The following CHST6 variants were observed in gnomAD, a reference collection of about 807,000 sequenced individuals.
CHST6 encodes the protein carbohydrate sulfotransferase 6.
For missense variants in CHST6, 698 were observed against 586.2 expected, an observed-to-expected ratio of 1.19 and a Z score of -1.97; for synonymous variants, 309 against 276.4, an observed-to-expected ratio of 1.12 and a Z score of -1.17.
rs996114752 is a variant in CHST6, at chr16:75,478,414, T to C, written c.*227A>G. Reference sequence around the variant, plus strand: ...CCAGAGGAGGAGGGGCAAGAGTTGCTTTCCATGAAGAGTGCACCTGATGAG... The same window carrying C: ...CCAGAGGAGGAGGGGCAAGAGTTGCCTTCCATGAAGAGTGCACCTGATGAG... On this transcript the variant is annotated 3_prime_UTR_variant, in exon 3 of 3. Coordinates refer to ENST00000332272, the MANE Select transcript of CHST6 (RefSeq NM_021615.5). The C allele has an allele frequency of 8.6e-6, 5 of 582,528 alleles. No homozygotes were observed. In the African/African-American group the frequency reaches 9.3e-5, roughly 11 times the overall value. 36.1% of individuals were successfully genotyped at this position (582,528 alleles called of 1,614,324 possible).
In CHST6 at chr16:75,474,816, GAC is replaced by G; in HGVS notation, c.*3823_*3824del. 2.5e-6 allele frequency: 1 copy of G among 396,854 alleles called. No homozygotes were observed. Among genetic ancestry groups the G allele is most frequent in the African/African-American group, 2.1e-5 (1 of 48,650 alleles). The allele number at this position is 396,854 out of a possible 1,614,324, so 24.6% of individuals were successfully genotyped here. ...CTGAAATAATGGTGGTTTTTTTTAA[GAC>G]AGACTCTCGCTTTGTTGCCCAGGCT... is the stretch of plus-strand genomic sequence containing the variant. On this transcript the variant is annotated 3_prime_UTR_variant, in exon 3 of 3. Coordinates refer to ENST00000332272, the MANE Select transcript of CHST6 (RefSeq NM_021615.5).
At position 75,474,748 on chromosome 16, in the gene CHST6, C is replaced by G. The variant is rs2080049454; in HGVS notation, c.*3893G>C. On this transcript the variant is annotated 3_prime_UTR_variant, in exon 3 of 3. Transcript: ENST00000332272. ...GCGAGAGAAAGACAAAGAATGAACT[C>G]CTTCATTTAAAAGGCACCACTCTCA... 2.5e-6 allele frequency: 1 copy of G among 398,312 alleles called. No homozygotes were observed. The highest frequency in any genetic ancestry group is 4.4e-6 in the Non-Finnish European group (1 of 226,022). The allele number at this position is 398,312 out of a possible 1,614,324, so 24.7% of individuals were successfully genotyped here. A position where few individuals can be genotyped will look rare whatever the true frequency, so the allele number is the denominator to read the frequency against.
chr16:75,488,466 T>C (rs1328528860), intron 1 of CHST6, among the ~76,000 whole-genome samples: 3 of 132,644 alleles, frequency 2.3e-5, no homozygotes, highest in Non-Finnish European at 4.7e-5. Flanking sequence ...CAAAGCCCCG[T>C]CACAAGGAGA....
chr16:75,494,392 C>G (rs2080288074), intron 1 of CHST6, among the ~76,000 whole-genome samples: 1 of 152,154 alleles, frequency 6.6e-6, no homozygotes. Flanking sequence ...TCAGCCAACT[C>G]CTTTCTGCTC....
In CHST6 at chr16:75,477,610, T is replaced by C. The variant is rs886052312; in HGVS notation, c.*1031A>G. 3 of 152,234 alleles carry C rather than the reference T, an allele frequency of 2.0e-5. No individual in the cohort carries two copies. The highest frequency in any genetic ancestry group is 4.4e-5 in the Non-Finnish European group (3 of 68,056). 9.4% of individuals were successfully genotyped at this position (152,234 alleles called of 1,614,324 possible). On this transcript the variant is annotated 3_prime_UTR_variant, in exon 3 of 3. Coordinates refer to ENST00000332272, the MANE Select transcript of CHST6 (RefSeq NM_021615.5). Reference sequence around the variant, plus strand: ...TGTACTGGGCACTTATAGGCTCTCATTTCCTGAGCTCGGGACTAAACCCTC... The same window carrying C: ...TGTACTGGGCACTTATAGGCTCTCACTTCCTGAGCTCGGGACTAAACCCTC...
intron 1 of CHST6, among the ~76,000 whole-genome samples, chr16:75,483,360 A>C (rs924282228): frequency 3.3e-5 from 5 of 152,204 alleles, no homozygotes; most frequent in African/African-American, 1.2e-4. Flanking sequence ...CCTGTGTTCC[A>C]GGGAAGCCAG....
chr16:75,492,065 G>A (rs1355731306), intron 1 of CHST6, among the ~76,000 whole-genome samples: 1 of 152,230 alleles, frequency 6.6e-6, no homozygotes, highest in African/African-American at 2.4e-5. Context: ...AGGGGGCTGG[G>A]ACTGCAAGGC....
chr16:75,479,619 C>T lies in CHST6; in HGVS notation c.210G>A (p.Met70Ile). Reference protein sequence around the residue: ...FNQHPDVFYLMEPAWHVWTTL... With the variant: ...FNQHPDVFYLIEPAWHVWTTL... The stretch of plus-strand genomic sequence containing the variant: ...TGGTCCACACGTGCCACGCGGGCTC[C>T]ATTAGGTAGAAGACGTCGGGGTGCT... Residue 70 changes from methionine to isoleucine, a missense_variant, in exon 3 of 3, where the codon ATG becomes ATA. Coordinates refer to ENST00000332272, the MANE Select transcript of CHST6 (RefSeq NM_021615.5). The T allele has an allele frequency of 6.2e-7, 1 of 1,612,862 alleles. No individual in the cohort carries two copies. The highest frequency in any genetic ancestry group is 1.1e-5 in the South Asian group (1 of 91,042).
At position 75,479,172 on chromosome 16, in the gene CHST6, C is replaced by T. The variant is rs1420289951; in HGVS notation, c.657G>A (p.Ala219=). The T allele has an allele frequency of 6.2e-7, 1 of 1,608,110 alleles. No individual in the cohort carries two copies. The highest frequency in any genetic ancestry group is 8.5e-7 in the Non-Finnish European group (1 of 1,179,036). Residue 219 remains alanine (A), a synonymous_variant, in exon 3 of 3, where the codon GCG becomes GCA. Coordinates refer to ENST00000332272, the MANE Select transcript of CHST6 (RefSeq NM_021615.5). ...RSREQTAKAL[A]RDNGIVLGTN... is the part of the protein sequence containing the mutation. Reference sequence around the variant, plus strand: ...TGCCCAGCACGATGCCGTTGTCACGCGCCAGAGCCTTGGCTGTCTGCTCCC... The same window carrying T: ...TGCCCAGCACGATGCCGTTGTCACGTGCCAGAGCCTTGGCTGTCTGCTCCC...
chr16:75,480,904 T>C (rs529588945), intron 2 of CHST6, among the ~76,000 whole-genome samples: 1 of 124,140 alleles, frequency 8.1e-6, no homozygotes, highest in Admixed American at 9.4e-5. Context: ...CACTCCAGCC[T>C]GGGCAAGAGC....
intron 1 of CHST6, among the ~76,000 whole-genome samples, chr16:75,491,181 A>T (rs2080249582): frequency 4.7e-5 from 4 of 85,902 alleles, no homozygotes; most frequent in Non-Finnish European, 8.8e-5. Flanking sequence ...AAAAAAAAAA[A>T]AAAAAAAAAA....
chr16:75,485,837 G>T (rs1052389174), intron 1 of CHST6, among the ~76,000 whole-genome samples: 1 of 148,648 alleles, frequency 6.7e-6, no homozygotes. Flanking sequence ...TGTCCCAGTG[G>T]ATGGCCTGGA....
At chr16:75,484,502 G>C (rs1179199557) in intron 1 of CHST6, among the ~76,000 whole-genome samples, 2 of 152,072 alleles carry the variant, frequency 1.3e-5, no homozygotes, top group Non-Finnish European at 2.9e-5. Flanking sequence ...CCTTGATGAG[G>C]GGCACATATT....
rs186986353 is a variant in CHST6, at chr16:75,474,270, C to T, written c.*4371G>A. ...CTGTTTTGTTTTGCTATAACAATAC[C>T]ACAGATGGGGTCATTTATTTAGAGA... On this transcript the variant is annotated 3_prime_UTR_variant, in exon 3 of 3. Coordinates refer to ENST00000332272, the MANE Select transcript of CHST6 (RefSeq NM_021615.5). 6.0e-5 allele frequency: 16 copies of T among 265,078 alleles called. No individual in the cohort carries two copies. The highest frequency in any genetic ancestry group is 9.9e-5 in the Non-Finnish European group (14 of 141,964). The allele number at this position is 265,078 out of a possible 1,614,324, so 16.4% of individuals were successfully genotyped here.
chr16:75,491,211 ATATATAT>A (rs1567416167), intron 1 of CHST6, among the ~76,000 whole-genome samples: 31 of 133,014 alleles, frequency 2.3e-4, no homozygotes, highest in African/African-American at 8.7e-4. Flanking sequence ...ATATATATAT[ATATATAT>A]AAAATATAAT....
At chr16:75,491,207 A>G (rs1208233235) in intron 1 of CHST6, among the ~76,000 whole-genome samples, 22 of 130,980 alleles carry the variant, frequency 1.7e-4, no homozygotes, top group Non-Finnish European at 3.0e-4. Context: ...ATATATATAT[A>G]TATATATATA....
In CHST6 at chr16:75,494,468, G is replaced by C. The variant is rs79340381; in HGVS notation, c.-92+472C>G. Among the ~76,000 whole-genome samples, 1,159 of 152,252 alleles carry C rather than the reference G, an allele frequency of 7.6e-3. 7 individuals carry two copies. The highest frequency in any genetic ancestry group is 0.012 in the Non-Finnish European group (842 of 68,022). On this transcript the variant is annotated intron_variant, in intron 1 of 2. Transcript: ENST00000332272. The stretch of plus-strand genomic sequence containing the variant: ...GACTGCCTTGCCTCTGTGAAAAAGG[G>C]AGGAGAAAGGAAAGTCAACATTTGC...
At position 75,479,238 on chromosome 16, in the gene CHST6, G is replaced by A. The variant is rs752170888; in HGVS notation, c.591C>T (p.Ile197=). 3.1e-6 allele frequency: 5 copies of A among 1,611,776 alleles called. No individual in the cohort carries two copies. The highest frequency in any genetic ancestry group is 2.2e-5 in the East Asian group (1 of 44,864). Residue 197 remains isoleucine (I), a synonymous_variant, in exon 3 of 3, where the codon ATC becomes ATT. Coordinates refer to ENST00000332272, the MANE Select transcript of CHST6 (RefSeq NM_021615.5). The part of the protein sequence containing the change: ...LLSDPALNLR[I]VHLVRDPRAV... ...CCCGCGGGTCGCGCACCAGGTGCACGATGCGTAGGTTGAGCGCGGGGTCGC... is the reference window on the plus strand; with the variant it reads ...CCCGCGGGTCGCGCACCAGGTGCACAATGCGTAGGTTGAGCGCGGGGTCGC...
At position 75,490,173 on chromosome 16, in the gene CHST6, CAA is replaced by C. The variant is rs58903978; in HGVS notation, c.-92+4765_-92+4766del. Among the ~76,000 whole-genome samples the C allele has an allele frequency of 7.1e-3, 288 of 40,600 alleles. 1 individual carries two copies. Among genetic ancestry groups the C allele is most frequent in the Non-Finnish European group, 0.012 (238 of 19,324 alleles). The allele number at this position is 40,600 out of a possible 152,430, so 26.6% of individuals were successfully genotyped here. On this transcript the variant is annotated intron_variant, in intron 1 of 2. Transcript: ENST00000332272. ...GGGGAACAAGAGCGAGACTTTGCCTCAAAAAAAAAAAAAAAAAAAAAAAGGCC... is the reference window on the plus strand; with the variant it reads ...GGGGAACAAGAGCGAGACTTTGCCTCAAAAAAAAAAAAAAAAAAAAAGGCC...
Sources: allele counts gnomAD v4.1 joint callset (sites outside exome capture counted in the v4.1 genomes callset), GRCh38; gene constraint gnomAD v4.1.1; transcripts MANE v1.5; gene names NCBI Gene and HGNC (gene_info 2026-07-23, HGNC 2026-07-21).